Variants in C1orf94 observed in about 807,000 individuals in gnomAD.
C1orf94 encodes chromosome 1 open reading frame 94.
Under a neutral mutation model 53.6 loss-of-function variants are expected in C1orf94, and 45 were observed. The observed-to-expected ratio is 0.84, with a 90% CI of 0.66 to 1.08. The LOEUF (loss-of-function observed/expected upper bound fraction) is 1.08. Among genes scored for constraint, C1orf94 ranks in the 50% least tolerant of loss-of-function variants. The probability of loss-of-function intolerance (pLI) is 0.00; values close to 1 mark genes in which losing one functional copy is unlikely to be tolerated. For missense variants in C1orf94, 762 were observed against 738.9 expected (o/e 1.03, Z -0.36); for synonymous variants, 304 against 296.1 (o/e 1.03, Z -0.27).
rs1336776532 is a variant in C1orf94 at position 34,212,550 on chromosome 1, T to C, written c.1721+144T>C. ...TGGGCCCTGTACCTGTGGCTGGTGG[T>C]TGTGTGGGTCCTGGAGGGACCTGGT... On this transcript the variant is annotated intron_variant, in intron 6 of 6. Transcript: ENST00000488417. The C allele has an allele frequency of 7.0e-6, 6 of 862,748 alleles. No homozygotes were observed. The Admixed American group carries it at 8.8e-5, about 13-fold the overall frequency. 53.4% of individuals were successfully genotyped at this position (862,748 alleles called of 1,614,324 possible).
Position 34,177,691 on chromosome 1 carries a change from A to C in C1orf94, c.-99A>C. 1.8e-6 allele frequency: 2 copies of C among 1,098,714 alleles called. No homozygotes were observed. The highest frequency in any genetic ancestry group is 1.3e-6 in the Non-Finnish European group (1 of 788,614). The allele number at this position is 1,098,714 out of a possible 1,614,324, so 68.1% of individuals were successfully genotyped here. On this transcript the variant is annotated 5_prime_UTR_variant, in exon 1 of 7. Coordinates refer to ENST00000488417, the MANE Select transcript of C1orf94 (RefSeq NM_001134734.2). ...TGTCCTCCACCCACCCCTCCCACAC[A>C]AATAGAAGGCCTCTGAACCTAACCA...
At chr1:34,210,565 C>T (rs936219107) in intron 5 of C1orf94, among the ~76,000 whole-genome samples, 1 of 152,190 alleles carries the variant, frequency 6.6e-6, no homozygotes, top group African/African-American at 2.4e-5. Context: ...AATAATGGCC[C>T]TACCTCACAG....
intron 5 of C1orf94, among the ~76,000 whole-genome samples, chr1:34,211,137 G>A (rs1001408351): frequency 1.3e-5 from 2 of 151,990 alleles, no homozygotes; most frequent in African/African-American, 4.8e-5. Flanking sequence ...TATGAGAAAA[G>A]GTTTTCTCAT....
At chr1:34,198,832 C>A (rs943464927) in intron 2 of C1orf94, among the ~76,000 whole-genome samples, 1 of 152,184 alleles carries the variant, frequency 6.6e-6, no homozygotes, top group Non-Finnish European at 1.5e-5. Context: ...ACTCTGGGTC[C>A]TGGACAGGCT....
upstream of C1orf94, among the ~76,000 whole-genome samples, chr1:34,175,192 T>C (rs1164308985): frequency 5.0e-5 from 1 of 20,156 alleles, no homozygotes; most frequent in Non-Finnish European, 7.2e-5. Flanking sequence ...TGTATTTGAT[T>C]TTTTTTTTTT....
At chr1:34,168,912 T>C (rs184030887) in intron 1 of C1orf94, among the ~76,000 whole-genome samples, 1 of 152,300 alleles carries the variant, frequency 6.6e-6, no homozygotes, top group Admixed American at 6.5e-5. Context: ...CACAATTCAT[T>C]CTATAACAGG....
At chr1:34,183,220 T>G (rs35729402) in intron 1 of C1orf94, among the ~76,000 whole-genome samples, 47,494 of 152,208 alleles carry the variant, frequency 0.31, 8,267 homozygotes, top group South Asian at 0.47. Context: ...CTCCAAAATC[T>G]GGTTCAGTTA....
intron 1 of C1orf94, among the ~76,000 whole-genome samples, chr1:34,191,118 C>A (rs896038344): frequency 2.0e-5 from 3 of 152,134 alleles, no homozygotes; most frequent in African/African-American, 7.2e-5. Flanking sequence ...CCCTAATTCC[C>A]AAACACTTTT....
intron 1 of C1orf94, among the ~76,000 whole-genome samples, chr1:34,180,637 A>G (rs1206346784): frequency 6.6e-6 from 1 of 152,240 alleles, no homozygotes; most frequent in African/African-American, 2.4e-5. Context: ...GCATCTTTGA[A>G]TAGTCAAAAT....
At chr1:34,180,696 G>C (rs1642299903) in intron 1 of C1orf94, among the ~76,000 whole-genome samples, 1 of 152,206 alleles carries the variant, frequency 6.6e-6, no homozygotes, top group Non-Finnish European at 1.5e-5. Context: ...TGAAAAGCCA[G>C]GGAGCTGTTC....
rs1289437342 is a variant in C1orf94 at position 34,218,666 on chromosome 1, C to T, written c.1722-20C>T. ...AACATTAGGAATCTCATCATGGCAT[C>T]CACCCTCCCTCTCTTCCAGGTTCGG... On this transcript the variant is annotated intron_variant, in intron 6 of 6. Coordinates refer to ENST00000488417, the MANE Select transcript of C1orf94 (RefSeq NM_001134734.2). 6.2e-7 allele frequency: 1 copy of T among 1,605,296 alleles called. No homozygotes were observed. Among genetic ancestry groups the T allele is most frequent in the Admixed American group, 1.7e-5 (1 of 59,784 alleles).
intron 1 of C1orf94, among the ~76,000 whole-genome samples, chr1:34,178,956 A>G (rs575726515): frequency 6.6e-6 from 1 of 152,356 alleles, no homozygotes; most frequent in African/African-American, 2.4e-5. Flanking sequence ...CATTTTACAG[A>G]TGGATTAAGT....
intron 4 of C1orf94, 38 bp from the exon 5 acceptor site, chr1:34,208,119 C>A (rs1158363674): frequency 1.9e-6 from 3 of 1,603,346 alleles, no homozygotes; most frequent in Non-Finnish European, 2.6e-6. Flanking sequence ...GGCAGGAAAC[C>A]CCTTGCCTGG....
chr1:34,176,599 T>A (rs536738069), upstream of C1orf94, among the ~76,000 whole-genome samples: 1 of 152,154 alleles, frequency 6.6e-6, no homozygotes, highest in Non-Finnish European at 1.5e-5. Flanking sequence ...CCCTTATGAC[T>A]TTGAGATTCG....
intron 5 of C1orf94, among the ~76,000 whole-genome samples, 179 bp from the exon 6 acceptor site, chr1:34,212,031 G>A (rs1016509328): frequency 3.3e-5 from 5 of 151,984 alleles, no homozygotes; most frequent in African/African-American, 1.2e-4. Context: ...GATAAATTAG[G>A]TAACTTGCCA....
intron 1 of C1orf94, among the ~76,000 whole-genome samples, chr1:34,186,916 T>C (rs1443514101): frequency 6.6e-6 from 1 of 152,202 alleles, no homozygotes; most frequent in Non-Finnish European, 1.5e-5. Context: ...GCTGAGTTCC[T>C]GGCACTTGGT....
chr1:34,175,648 G>T (rs1454097334), upstream of C1orf94, among the ~76,000 whole-genome samples: 6 of 152,080 alleles, frequency 3.9e-5, no homozygotes, highest in Admixed American at 3.9e-4. Flanking sequence ...GGCACCTACT[G>T]TATACCAGGC....
chr1:34,200,683 G>A, intron 2 of C1orf94, 89 bp from the exon 3 acceptor site: 1 of 1,544,664 alleles, frequency 6.5e-7, no homozygotes, highest in Non-Finnish European at 8.8e-7. Flanking sequence ...GTGCTGCAGA[G>A]GATTCATCAT....
chr1:34,193,171 G>C (rs1022590389), intron 1 of C1orf94, among the ~76,000 whole-genome samples: 18 of 152,278 alleles, frequency 1.2e-4, no homozygotes, highest in Admixed American at 9.1e-4. Flanking sequence ...TTTGATAAAG[G>C]CTCTTGGGAG....
Sources: gnomAD v4.1 joint callset for allele counts (sites outside exome capture counted in the v4.1 genomes callset) on GRCh38, gnomAD v4.1.1 for gene constraint, MANE v1.5 for transcripts, NCBI Gene and HGNC (gene_info 2026-07-23, HGNC 2026-07-21) for gene names.